Variants in ZFP14 observed in about 807,000 individuals in gnomAD.
ZFP14 encodes ZFP14 zinc finger protein.
A neutral mutation model predicts 54.5 loss-of-function variants in ZFP14; 22 were observed. The observed-to-expected ratio is 0.40, with a 90% CI of 0.29 to 0.58. The LOEUF (loss-of-function observed/expected upper bound fraction) is 0.58. Ranked by LOEUF, ZFP14 falls within the 20% of genes least tolerant of loss-of-function variation. The pLI, the probability that ZFP14 is intolerant of heterozygous loss-of-function variation, is 0.39. For missense variants in ZFP14, 470 were observed against 637.8 expected (o/e 0.74, Z 2.83); for synonymous variants, 159 against 204.0 (o/e 0.78, Z 1.88).
intron 4 of ZFP14, among the ~76,000 whole-genome samples, chr19:36,357,658 A>G (rs1600076918): frequency 6.6e-6 from 1 of 151,782 alleles, no homozygotes; most frequent in Non-Finnish European, 1.5e-5. Flanking sequence ...TGTTTCTAGG[A>G]CCTCTGTTGT....
At chr19:36,367,541 C>T (rs889624761) in intron 2 of ZFP14, among the ~76,000 whole-genome samples, 2 of 151,970 alleles carry the variant, frequency 1.3e-5, no homozygotes, top group African/African-American at 2.4e-5. Context: ...AGTGCAGTAA[C>T]GCAATCTCGG....
At position 36,360,533 on chromosome 19, in the gene ZFP14, C is replaced by G; in HGVS notation, c.137G>C (p.Gly46Ala). Residue 46 changes from glycine to alanine, a missense_variant and splice_region_variant, in exon 4 of 5, where the codon GGA becomes GCA. Coordinates refer to ENST00000270001, the MANE Select transcript of ZFP14 (RefSeq NM_020917.3). Reference sequence around the variant, plus strand: ...CACATCTGGTTTAGAAATGGAAGGTCCTGCTTAAAAGAAAAATGTGACATG... The same window carrying G: ...CACATCTGGTTTAGAAATGGAAGGTGCTGCTTAAAAGAAAAATGTGACATG... ...WENYSNFISL[G>A]PSISKPDVIT... 1 of 1,608,502 alleles carries G rather than the reference C, an allele frequency of 6.2e-7. No individual in the cohort carries two copies. The highest frequency in any genetic ancestry group is 8.5e-7 in the Non-Finnish European group (1 of 1,177,902).
At chr19:36,377,402 T>G (rs1212319455) in intron 1 of ZFP14, among the ~76,000 whole-genome samples, 1 of 151,822 alleles carries the variant, frequency 6.6e-6, no homozygotes, top group Non-Finnish European at 1.5e-5. Flanking sequence ...AATTTAAAAA[T>G]TGCGCGTGGG....
At chr19:36,354,886 G>T (rs1299876389) in intron 4 of ZFP14, among the ~76,000 whole-genome samples, 1 of 142,890 alleles carries the variant, frequency 7.0e-6, no homozygotes. Flanking sequence ...GGCCAGGCTG[G>T]TCTCGAACTC....
chr19:36,376,185 A>T (rs1378338461), intron 1 of ZFP14, among the ~76,000 whole-genome samples: 1 of 152,244 alleles, frequency 6.6e-6, no homozygotes, highest in African/African-American at 2.4e-5. Flanking sequence ...TAAGGCACTT[A>T]GAGTAGTAAA....
At chr19:36,360,775 CT>C (rs984404025) in intron 3 of ZFP14, among the ~76,000 whole-genome samples, 10 of 152,226 alleles carry the variant, frequency 6.6e-5, no homozygotes, top group African/African-American at 2.4e-4. Flanking sequence ...AAGAACAGGC[CT>C]TAATATAATT....
chr19:36,372,237 T>A (rs2031891171), intron 1 of ZFP14, among the ~76,000 whole-genome samples: 1 of 147,826 alleles, frequency 6.8e-6, no homozygotes, highest in African/African-American at 2.5e-5. Context: ...AGGAAGAAAA[T>A]AATAAAGATT....
chr19:36,336,236 T>TG lies in ZFP14; in HGVS notation c.*3987_*3988insC, dbSNP rs1256754106. The TG allele has an allele frequency of 1.5e-5, 2 of 132,282 alleles. No individual in the cohort carries two copies. Among genetic ancestry groups the TG allele is most frequent in the African/African-American group, 6.1e-5 (2 of 33,034 alleles). 8.2% of individuals were successfully genotyped at this position (132,282 alleles called of 1,614,324 possible). ...CTACTTTCTACTGTTACTTGGCTGTTCCTTTTTTTTTTTTTTTTTTTTTGA... is the reference window on the plus strand; with the variant it reads ...CTACTTTCTACTGTTACTTGGCTGTTGCCTTTTTTTTTTTTTTTTTTTTTGA... On this transcript the variant is annotated 3_prime_UTR_variant, in exon 5 of 5. Transcript: ENST00000270001.
At position 36,352,679 on chromosome 19, in the gene ZFP14, C is replaced by T. The variant is rs1164331537; in HGVS notation, c.235+7756G>A. 2.8e-5 allele frequency among the ~76,000 whole-genome samples: 4 copies of T among 142,516 alleles called. 1 individual carries two copies. The allele number at this position is 142,516 out of a possible 152,430, so 93.5% of individuals were successfully genotyped here. On this transcript the variant is annotated intron_variant, in intron 4 of 4. Transcript: ENST00000270001. ...CATGTGGGCTGGGCGCGGTGGCTCACACCTGTAATCCCAACACTTTGGGAG... is the reference window on the plus strand; with the variant it reads ...CATGTGGGCTGGGCGCGGTGGCTCATACCTGTAATCCCAACACTTTGGGAG...
intron 1 of ZFP14, among the ~76,000 whole-genome samples, chr19:36,377,139 A>C (rs953810836): frequency 6.6e-6 from 1 of 152,216 alleles, no homozygotes; most frequent in Non-Finnish European, 1.5e-5. Context: ...TCAAAAGCAG[A>C]AAAGATCCTG....
chr19:36,346,477 G>A (rs867171192), intron 4 of ZFP14, among the ~76,000 whole-genome samples: 1 of 150,546 alleles, frequency 6.6e-6, no homozygotes, highest in South Asian at 2.1e-4. Context: ...TTTTTTTTGA[G>A]ACAGAGTCTT....
At chr19:36,362,485 A>G (rs1219427632) in intron 2 of ZFP14, among the ~76,000 whole-genome samples, 4 of 152,130 alleles carry the variant, frequency 2.6e-5, no homozygotes, top group Admixed American at 1.3e-4. Flanking sequence ...CATTTCTAGA[A>G]ATGAGTACAT....
In ZFP14 at chr19:36,364,443, G is replaced by A. The variant is rs188256376; in HGVS notation, c.10-2205C>T. Among the ~76,000 whole-genome samples, 336 of 152,284 alleles carry A rather than the reference G, an allele frequency of 2.2e-3. 1 individual carries two copies. Among genetic ancestry groups the A allele is most frequent in the Non-Finnish European group, 3.3e-3 (224 of 68,022 alleles). Reference sequence around the variant, plus strand: ...AATAATTCCATAGGCTAGCAGGGAGGTGAAACCCATTAGGTTGAGGACGAC... The same window carrying A: ...AATAATTCCATAGGCTAGCAGGGAGATGAAACCCATTAGGTTGAGGACGAC... On this transcript the variant is annotated intron_variant, in intron 2 of 4. Coordinates refer to ENST00000270001, the MANE Select transcript of ZFP14 (RefSeq NM_020917.3).
At chr19:36,364,264 A>T (rs1436368063) in intron 2 of ZFP14, among the ~76,000 whole-genome samples, 1 of 152,196 alleles carries the variant, frequency 6.6e-6, no homozygotes, top group East Asian at 1.9e-4. Context: ...ATATATTCAG[A>T]GCCTGAGAGA....
rs2031693578 is a variant in ZFP14, at chr19:36,360,526, G to A, written c.144C>T (p.Ser48=). Residue 48 remains serine, a synonymous_variant, in exon 4 of 5, where the codon TCC becomes TCT. Transcript: ENST00000270001. The part of the protein sequence containing the change: ...NYSNFISLGP[S]ISKPDVITLL... ...AGGTAATCACATCTGGTTTAGAAAT[G>A]GAAGGTCCTGCTTAAAAGAAAAATG... 6.2e-7 allele frequency: 1 copy of A among 1,611,406 alleles called. No individual in the cohort carries two copies. Among genetic ancestry groups the A allele is most frequent in the African/African-American group, 1.3e-5 (1 of 74,844 alleles).
At chr19:36,370,963 T>C (rs2031869144) in intron 1 of ZFP14, among the ~76,000 whole-genome samples, 1 of 152,168 alleles carries the variant, frequency 6.6e-6, no homozygotes, top group African/African-American at 2.4e-5. Context: ...CTGAACTGCC[T>C]GATAAAGAAT....
chr19:36,355,037 GT>G (rs1427679426), intron 4 of ZFP14, among the ~76,000 whole-genome samples: 7 of 143,096 alleles, frequency 4.9e-5, no homozygotes. Flanking sequence ...TTTACTTCAT[GT>G]CCTTACTCCT....
chr19:36,352,132 C>T lies in ZFP14; in HGVS notation c.235+8303G>A, dbSNP rs891428382. Among the ~76,000 whole-genome samples the T allele has an allele frequency of 4.3e-5, 6 of 138,758 alleles. 1 individual carries two copies. Among genetic ancestry groups the T allele is most frequent in the Non-Finnish European group, 7.9e-5 (5 of 63,164 alleles). The allele number at this position is 138,758 out of a possible 152,430, so 91.0% of individuals were successfully genotyped here. A position where few individuals can be genotyped will look rare whatever the true frequency, so the allele number is the denominator to read the frequency against. On this transcript the variant is annotated intron_variant, in intron 4 of 4. Coordinates refer to ENST00000270001, the MANE Select transcript of ZFP14 (RefSeq NM_020917.3). ...TCGGGAGGCAGAGCTTGCAGCGAGC[C>T]GAGATCGTGCCACTGCACTCCATTC... is the stretch of plus-strand genomic sequence containing the variant.
rs1218245087 is a variant in ZFP14, at chr19:36,336,403, C to G, written c.*3821G>C. On this transcript the variant is annotated 3_prime_UTR_variant, in exon 5 of 5. Coordinates refer to ENST00000270001, the MANE Select transcript of ZFP14 (RefSeq NM_020917.3). ...TACAGGCATGCACCACCATGCCTGG[C>G]TAATTTTGTATCTTTAATAGAGATG... The G allele has an allele frequency of 6.6e-6, 1 of 151,918 alleles. No homozygotes were observed. Among genetic ancestry groups the G allele is most frequent in the Non-Finnish European group, 1.5e-5 (1 of 68,010 alleles). The allele number at this position is 151,918 out of a possible 1,614,324, so 9.4% of individuals were successfully genotyped here.
Sources: gnomAD v4.1 joint callset for allele counts (sites outside exome capture counted in the v4.1 genomes callset) on GRCh38, gnomAD v4.1.1 for gene constraint, MANE v1.5 for transcripts, NCBI Gene and HGNC (gene_info 2026-07-23, HGNC 2026-07-21) for gene names.